PDE7B: variants seen among roughly 807,000 people sequenced by gnomAD.
PDE7B encodes the protein 3',5'-cyclic-AMP phosphodiesterase 7B.
PDE7B carries 29 observed loss-of-function variants against 56.2 expected under a neutral mutation model. The observed-to-expected ratio is 0.52, with a 90% CI of 0.38 to 0.70. PDE7B has a LOEUF of 0.70. PDE7B is among the 30% of genes least tolerant of loss of function. The probability of loss-of-function intolerance (pLI) is 0.00; values close to 1 mark genes in which losing one functional copy is unlikely to be tolerated. For missense variants in PDE7B, 490 were observed against 565.0 expected, an observed-to-expected ratio of 0.87 and a Z score of 1.35; for synonymous variants, 197 against 196.9, an observed-to-expected ratio of 1.00 and a Z score of 0.00.
At chr6:136,171,338 C>T (rs960797938) in intron 8 of PDE7B, among the ~76,000 whole-genome samples, 4 of 152,132 alleles carry the variant, frequency 2.6e-5, no homozygotes, top group Non-Finnish European at 5.9e-5. Flanking sequence ...CAAAGATTAC[C>T]GGCAGAGCTG....
chr6:135,935,986 C>T (rs1166835643), intron 1 of PDE7B, among the ~76,000 whole-genome samples: 2 of 152,196 alleles, frequency 1.3e-5, no homozygotes, highest in African/African-American at 4.8e-5. Context: ...AAACAACATG[C>T]CCTTCTCCCT....
In PDE7B at chr6:136,010,903, C is replaced by T. The variant is rs149936950; in HGVS notation, c.82+63379C>T. Among the ~76,000 whole-genome samples the T allele has an allele frequency of 7.1e-3, 1,083 of 152,152 alleles. 20 individuals are homozygous for T. The highest frequency in any genetic ancestry group is 0.024 in the African/African-American group (1,002 of 41,506). Reference sequence around the variant, plus strand: ...CTGATGGGCTGTTGAAAGGCTGCACCGGGTGCTCCCAGAATTACTGCAAGG... The same window carrying T: ...CTGATGGGCTGTTGAAAGGCTGCACTGGGTGCTCCCAGAATTACTGCAAGG... On this transcript the variant is annotated intron_variant, in intron 2 of 12. Transcript: ENST00000308191.
intron 5 of PDE7B, among the ~76,000 whole-genome samples, chr6:136,150,722 G>GAAGA (rs1216178613): frequency 2.8e-4 from 43 of 152,290 alleles, no homozygotes; most frequent in African/African-American, 9.1e-4. Flanking sequence ...TCCATAGGAA[G>GAAGA]AAGAATAGGC....
intron 3 of PDE7B, among the ~76,000 whole-genome samples, chr6:136,116,130 A>T (rs1479225917): frequency 6.6e-6 from 1 of 152,276 alleles, no homozygotes; most frequent in Non-Finnish European, 1.5e-5. Context: ...GGCAGAGATT[A>T]CTGAAGTAAC....
intron 2 of PDE7B, among the ~76,000 whole-genome samples, chr6:136,061,857 G>C (rs1255323572): frequency 6.6e-6 from 1 of 152,176 alleles, no homozygotes; most frequent in Non-Finnish European, 1.5e-5. Flanking sequence ...CTACATATGT[G>C]ATTTTTGGCA....
chr6:135,923,353 A>G (rs1191870128), intron 1 of PDE7B, among the ~76,000 whole-genome samples: 1 of 152,196 alleles, frequency 6.6e-6, no homozygotes, highest in Admixed American at 6.5e-5. Flanking sequence ...ATATCTGATA[A>G]CTAAAATTAA....
chr6:135,953,609 A>T (rs1332949845), intron 2 of PDE7B, among the ~76,000 whole-genome samples: 2 of 152,080 alleles, frequency 1.3e-5, no homozygotes, highest in Non-Finnish European at 2.9e-5. Flanking sequence ...TTAATACTCA[A>T]TTTTTTCTAA....
At chr6:135,928,451 A>ATT (rs1167231704) in intron 1 of PDE7B, among the ~76,000 whole-genome samples, 2 of 102,190 alleles carry the variant, frequency 2.0e-5, no homozygotes, top group African/African-American at 7.5e-5. Flanking sequence ...ATATATATTT[A>ATT]TTTATATATA....
chr6:136,048,261 C>T (rs868371283), intron 2 of PDE7B, among the ~76,000 whole-genome samples: 29 of 152,194 alleles, frequency 1.9e-4, no homozygotes, highest in African/African-American at 5.3e-4. Flanking sequence ...CGGTGGCTCA[C>T]GGCTATAACA....
intron 8 of PDE7B, among the ~76,000 whole-genome samples, chr6:136,168,689 A>G (rs1332392453): frequency 6.6e-6 from 1 of 152,310 alleles, no homozygotes; most frequent in African/African-American, 2.4e-5. Context: ...AGGAAAAACC[A>G]AAAGGATTCA....
intron 2 of PDE7B, among the ~76,000 whole-genome samples, chr6:136,009,156 A>G (rs1482876026): frequency 7.9e-5 from 12 of 151,756 alleles, no homozygotes; most frequent in Admixed American, 7.2e-4. Context: ...GATATGTGGC[A>G]TTATTTCTGA....
chr6:135,993,478 G>A (rs1342751374), intron 2 of PDE7B, among the ~76,000 whole-genome samples: 1 of 152,146 alleles, frequency 6.6e-6, no homozygotes, highest in Admixed American at 6.6e-5. Flanking sequence ...CTAACGTTCA[G>A]CCAGGGTTGA....
chr6:136,064,489 G>A (rs1033081953), intron 2 of PDE7B: 7 of 152,194 alleles, frequency 4.6e-5, no homozygotes, highest in African/African-American at 1.7e-4. Flanking sequence ...GTTCTCAAAT[G>A]TGGGGCCTTC....
chr6:135,935,780 T>C (rs1328225648), intron 1 of PDE7B, among the ~76,000 whole-genome samples: 3 of 152,248 alleles, frequency 2.0e-5, no homozygotes, highest in East Asian at 1.9e-4. Context: ...CTGTCAGTCA[T>C]TTCTCCAAAA....
chr6:136,028,740 A>G (rs1776191902), intron 2 of PDE7B, among the ~76,000 whole-genome samples: 1 of 152,164 alleles, frequency 6.6e-6, no homozygotes, highest in African/African-American at 2.4e-5. Flanking sequence ...CACTTGTGAA[A>G]TTATTTTGGT....
chr6:136,114,096 G>A (rs950800777), intron 3 of PDE7B, among the ~76,000 whole-genome samples: 3 of 152,210 alleles, frequency 2.0e-5, no homozygotes, highest in African/African-American at 2.4e-5. Flanking sequence ...GGGCTTTGCA[G>A]TAGTAGGTTA....
At position 136,008,153 on chromosome 6, in the gene PDE7B, G is replaced by C. The variant is rs62429934; in HGVS notation, c.82+60629G>C. ...CCAGCTTCATCCATGTCCCTACAAA[G>C]GACATGAACTCATCATTTTTTACGG... On this transcript the variant is annotated intron_variant, in intron 2 of 12. Coordinates refer to ENST00000308191, the MANE Select transcript of PDE7B (RefSeq NM_018945.4). Among the ~76,000 whole-genome samples the C allele has an allele frequency of 3.4e-3, 516 of 152,122 alleles. 2 individuals carry two copies. The highest frequency in any genetic ancestry group is 6.8e-3 in the Middle Eastern group (2 of 294).
intron 8 of PDE7B, among the ~76,000 whole-genome samples, chr6:136,173,388 A>G (rs1778924717): frequency 6.6e-6 from 1 of 152,174 alleles, no homozygotes; most frequent in African/African-American, 2.4e-5. Context: ...ACCTGAGAAA[A>G]ACAAGCAATG....
intron 2 of PDE7B, among the ~76,000 whole-genome samples, chr6:136,052,709 T>C (rs1000984347): frequency 6.9e-6 from 1 of 144,798 alleles, no homozygotes; most frequent in Admixed American, 7.3e-5. Flanking sequence ...AAGAGAAAAA[T>C]TAAGAAGCAA....
Sources: allele counts gnomAD v4.1 joint callset (sites outside exome capture counted in the v4.1 genomes callset), GRCh38; gene constraint gnomAD v4.1.1; transcripts MANE v1.5; gene names NCBI Gene and HGNC (gene_info 2026-07-23, HGNC 2026-07-21).